The following EXOC6 variants were observed in gnomAD, a reference collection of about 807,000 sequenced individuals.
EXOC6 encodes the protein SEC15-like 1.
Under a neutral mutation model 112.5 loss-of-function variants are expected in EXOC6, and 60 were observed. That is an observed-to-expected ratio of 0.53 (90% CI 0.43 to 0.66). The LOEUF is 0.66. Ranked by LOEUF, EXOC6 falls within the 30% of genes least tolerant of loss-of-function variation. The pLI is 0.00. For synonymous variants in EXOC6, 295 were observed against 308.0 expected (o/e 0.96, Z 0.44); for missense variants, 855 against 957.1 (o/e 0.89, Z 1.41).
chr10:92,921,674 G>A (rs1449759786), intron 8 of EXOC6, among the ~76,000 whole-genome samples: 9 of 148,396 alleles, frequency 6.1e-5, no homozygotes, highest in African/African-American at 2.0e-4. Flanking sequence ...TTGAGATAGG[G>A]TCTTGCTCTG....
chr10:92,972,386 C>T (rs1842335663), intron 17 of EXOC6, among the ~76,000 whole-genome samples: 1 of 152,134 alleles, frequency 6.6e-6, no homozygotes, highest in Non-Finnish European at 1.5e-5. Flanking sequence ...AGTGCAGGCA[C>T]ACTTGAGAGA....
In EXOC6 at chr10:92,909,590, C is replaced by T. The variant is rs371845946; in HGVS notation, c.622C>T (p.Arg208Ter). ...SDLKDFLESIRKHSDKIGETA... is the reference protein window; with the variant it reads ...SDLKDFLESI ...TCTCAAAGACTTTTTGGAAAGTATT[C>T]GAAAACATTCTGACAAAATAGGTGA... The change falls in exon 6 of 22, where the codon CGA (arginine) becomes TGA (stop). Residue 208 changes from arginine to a stop codon, truncating the protein, a stop_gained. Transcript: ENST00000260762. LOFTEE classifies it high-confidence loss of function. 4.3e-6 allele frequency: 7 copies of T among 1,611,604 alleles called. No individual in the cohort carries two copies. The highest frequency in any genetic ancestry group is 2.7e-5 in the African/African-American group (2 of 74,740).
At chr10:93,033,546 T>A (rs1212584398) in intron 20 of EXOC6, among the ~76,000 whole-genome samples, 1 of 152,232 alleles carries the variant, frequency 6.6e-6, no homozygotes, top group African/African-American at 2.4e-5. Context: ...TACTCTCATT[T>A]TCTCGTGGCC....
intron 19 of EXOC6, chr10:92,999,444 A>G (rs980287286): frequency 3.0e-5 from 9 of 299,508 alleles, no homozygotes. Flanking sequence ...AGTTTCTTTA[A>G]AAGTTGTCTT....
intron 1 of EXOC6, among the ~76,000 whole-genome samples, chr10:92,879,927 T>A (rs1848864472): frequency 6.6e-6 from 1 of 152,240 alleles, no homozygotes; most frequent in Non-Finnish European, 1.5e-5. Flanking sequence ...TTCTGCTATT[T>A]TTTTTAAAAC....
At chr10:93,003,768 A>G (rs1023149316) in intron 19 of EXOC6, among the ~76,000 whole-genome samples, 4 of 152,076 alleles carry the variant, frequency 2.6e-5, no homozygotes, top group South Asian at 2.1e-4. Flanking sequence ...TTAATTCTGT[A>G]TGCTGTGGGA....
At chr10:92,885,510 G>T (rs776323290) in intron 1 of EXOC6, among the ~76,000 whole-genome samples, 1 of 151,834 alleles carries the variant, frequency 6.6e-6, no homozygotes, top group Admixed American at 6.6e-5. Flanking sequence ...CTCCCAAGTA[G>T]CTGGGATACA....
intron 1 of EXOC6, among the ~76,000 whole-genome samples, chr10:92,868,770 G>GCCCTCCCTTCCTTCCT (rs1848299585): frequency 1.3e-5 from 2 of 149,880 alleles, no homozygotes; most frequent in African/African-American, 4.9e-5. Flanking sequence ...TTTTAATTGG[G>GCCCTCCCTTCCTTCCT]CCCTCCCTTC....
At chr10:92,934,543 G>GT (rs2133955547) in intron 11 of EXOC6, 113 bp downstream of exon 11, 1 of 921,450 alleles carries the variant, frequency 1.1e-6, no homozygotes, top group East Asian at 3.0e-5. Context: ...TTTTTTAGTA[G>GT]TTGCTTAGAT....
At chr10:92,853,575 A>G (rs919033359) in intron 1 of EXOC6, among the ~76,000 whole-genome samples, 4 of 152,234 alleles carry the variant, frequency 2.6e-5, no homozygotes, top group African/African-American at 4.8e-5. Flanking sequence ...AATAGAAACC[A>G]CATAAATAGA....
intron 7 of EXOC6, among the ~76,000 whole-genome samples, chr10:92,917,651 A>G (rs1383178815): frequency 6.6e-6 from 1 of 151,784 alleles, no homozygotes; most frequent in African/African-American, 2.4e-5. Context: ...CAGTCTCCCA[A>G]GTAGCTAGGA....
chr10:92,891,970 A>G (rs556957058), intron 1 of EXOC6, among the ~76,000 whole-genome samples: 9 of 152,320 alleles, frequency 5.9e-5, no homozygotes, highest in African/African-American at 2.2e-4. Context: ...ACGTGTCAGA[A>G]TAACTGTAAG....
At chr10:92,893,248 T>G in intron 1 of EXOC6, 101 bp from the exon 2 acceptor site, 2 of 796,566 alleles carry the variant, frequency 2.5e-6, no homozygotes, top group Non-Finnish European at 3.9e-6. Context: ...ATCACCAGTT[T>G]ATTTGTTCAG....
At chr10:92,882,949 TCTC>T (rs1305561996) in intron 1 of EXOC6, among the ~76,000 whole-genome samples, 8 of 152,192 alleles carry the variant, frequency 5.3e-5, no homozygotes, top group Admixed American at 2.6e-4. Context: ...CAGTGTAGCT[TCTC>T]CTACTTTCCA....
chr10:92,855,749 A>G (rs1564775017), intron 1 of EXOC6, among the ~76,000 whole-genome samples: 2 of 151,482 alleles, frequency 1.3e-5, no homozygotes, highest in Admixed American at 6.6e-5. Flanking sequence ...TTGTTCTTGA[A>G]TTTAGTAATT....
At chr10:92,979,274 C>G (rs1842740458) in intron 18 of EXOC6, among the ~76,000 whole-genome samples, 1 of 152,204 alleles carries the variant, frequency 6.6e-6, no homozygotes, top group Non-Finnish European at 1.5e-5. Context: ...ATTCTCCTCC[C>G]TCAGCCTCCC....
chr10:92,844,295 G>A (rs1291224933), upstream of EXOC6, among the ~76,000 whole-genome samples: 2 of 152,198 alleles, frequency 1.3e-5, no homozygotes, highest in African/African-American at 4.8e-5. Context: ...AACAATACAG[G>A]CATCGTCCCT....
upstream of EXOC6, chr10:92,848,384 C>T (rs1383156927): frequency 2.3e-6 from 1 of 429,886 alleles, no homozygotes; most frequent in Non-Finnish European, 3.1e-6. Flanking sequence ...AACCGGGTCG[C>T]GCGCCTTCTG....
chr10:93,020,393 C>T (rs1405658744), intron 20 of EXOC6, among the ~76,000 whole-genome samples: 1 of 145,840 alleles, frequency 6.9e-6, no homozygotes, highest in East Asian at 1.9e-4. Context: ...CTGATTCAAA[C>T]CATAATAATA....
Sources: gnomAD v4.1 joint callset for allele counts (sites outside exome capture counted in the v4.1 genomes callset) on GRCh38, gnomAD v4.1.1 for gene constraint, MANE v1.5 for transcripts, NCBI Gene and HGNC (gene_info 2026-07-23, HGNC 2026-07-21) for gene names.